The following MICALL2 variants were observed in gnomAD, a reference collection of about 807,000 sequenced individuals.
The protein encoded by MICALL2 is MICAL-like protein 2.
A neutral mutation model predicts 91.1 loss-of-function variants in MICALL2; 111 were observed. The observed-to-expected ratio is 1.22, with a 90% confidence interval of 1.04 to 1.43. The LOEUF is 1.43. MICALL2 is among the 40% of genes most tolerant of loss of function. MICALL2 has a pLI of 0.00. For synonymous variants in MICALL2, 694 were observed against 525.3 expected (o/e 1.32, Z -4.39); for missense variants, 1,556 against 1,236.0 (o/e 1.26, Z -3.88).
chr7:1,449,704 G>A (rs1022592519), intron 2 of MICALL2, among the ~76,000 whole-genome samples: 1 of 152,250 alleles, frequency 6.6e-6, no homozygotes, highest in African/African-American at 2.4e-5. Flanking sequence ...TGCCTGCAGG[G>A]CGCGTGGTGA....
Position 1,438,830 on chromosome 7 carries a change from T to TG in MICALL2, c.2122+9dup. On this transcript the variant is annotated intron_variant, in intron 10 of 16. Coordinates refer to ENST00000297508, the MANE Select transcript of MICALL2 (RefSeq NM_182924.4). ...ACACCCCAAACAGCAGCGGTGTCTC[T>TG]GGGGCTGACCTGGTTTGCCCTGAAG... 6.3e-7 allele frequency: 1 copy of TG among 1,597,420 alleles called. No individual in the cohort carries two copies.
chr7:1,453,806 C>A (rs920303470), intron 1 of MICALL2, among the ~76,000 whole-genome samples: 22 of 152,198 alleles, frequency 1.4e-4, no homozygotes, highest in Non-Finnish European at 7.3e-5. Context: ...AGACACACAC[C>A]GTGGGCCAGG....
intron 7 of MICALL2, chr7:1,441,759 G>A: frequency 9.2e-6 from 2 of 216,256 alleles, no homozygotes; most frequent in South Asian, 1.3e-4. Context: ...TCTCCGGTAT[G>A]TGGTGACACA....
At chr7:1,447,041 A>C (rs1336229600) in intron 4 of MICALL2, among the ~76,000 whole-genome samples, 1 of 152,100 alleles carries the variant, frequency 6.6e-6, no homozygotes, top group African/African-American at 2.4e-5. Context: ...CTGAGGCCCG[A>C]TGCTAGTGGT....
chr7:1,441,820 A>C (rs1250246904), intron 7 of MICALL2: 1 of 280,916 alleles, frequency 3.6e-6, no homozygotes, highest in Non-Finnish European at 6.7e-6. Flanking sequence ...CAGGAAGCGC[A>C]AAACACCACG....
In MICALL2 at chr7:1,445,071, C is replaced by T. The variant is rs775616960; in HGVS notation, c.999G>A (p.Glu333=). The part of the protein sequence containing the change: ...SESRLAPTPT[E]GKVRPRVTNS... Reference sequence around the variant, plus strand: ...TGGTCACACGAGGGCGGACTTTCCCCTCCGTGGGAGTGGGGGCCAGGCGGC... The same window carrying T: ...TGGTCACACGAGGGCGGACTTTCCCTTCCGTGGGAGTGGGGGCCAGGCGGC... Residue 333 remains glutamate, a synonymous_variant, in exon 6 of 17, where the codon GAG becomes GAA. Coordinates refer to ENST00000297508, the MANE Select transcript of MICALL2 (RefSeq NM_182924.4). 1 of 1,549,960 alleles carries T rather than the reference C, an allele frequency of 6.5e-7. No individual in the cohort carries two copies.
chr7:1,445,310 C>T lies in MICALL2; in HGVS notation c.760G>A (p.Gly254Ser). 6.2e-7 allele frequency: 1 copy of T among 1,611,646 alleles called. No homozygotes were observed. Among genetic ancestry groups the T allele is most frequent in the Non-Finnish European group, 8.5e-7 (1 of 1,179,754 alleles). ...AAASASPKLTGLVPRQPGAMG... is the reference protein window; with the variant it reads ...AAASASPKLTSLVPRQPGAMG... ...GCCCCTGGCTGTCGGGGGACCAGAC[C>T]CGTCAACTTGGGGCTTGCAGAGGCG... Residue 254 changes from glycine to serine, a missense_variant, in exon 6 of 17, where the codon GGT (glycine) becomes AGT (serine). By Grantham distance (56) the Gly-to-Ser change is moderately conservative. Coordinates refer to ENST00000297508, the MANE Select transcript of MICALL2 (RefSeq NM_182924.4).
chr7:1,439,748 A>T (rs770568501), intron 9 of MICALL2, 177 bp downstream of exon 9: 2 of 469,938 alleles, frequency 4.3e-6, no homozygotes, highest in Non-Finnish European at 7.3e-6. Flanking sequence ...CACATGCATC[A>T]CACACATGCA....
At position 1,445,079 on chromosome 7, in the gene MICALL2, G is replaced by T. The variant is rs1453925889; in HGVS notation, c.991C>A (p.Pro331Thr). 1.3e-6 allele frequency: 2 copies of T among 1,551,044 alleles called. No individual in the cohort carries two copies. The highest frequency in any genetic ancestry group is 2.7e-5 in the African/African-American group (2 of 73,298). Residue 331 changes from proline (P) to threonine (T), a missense_variant, in exon 6 of 17, where the codon CCC becomes ACC. Coordinates refer to ENST00000297508, the MANE Select transcript of MICALL2 (RefSeq NM_182924.4). ...RPSESRLAPT[P>T]TEGKVRPRVT... is the part of the protein sequence containing the mutation. The stretch of plus-strand genomic sequence containing the variant: ...CGAGGGCGGACTTTCCCCTCCGTGG[G>T]AGTGGGGGCCAGGCGGCTCTCAGAG...
At position 1,442,134 on chromosome 7, in the gene MICALL2, G is replaced by T. The variant is rs1259183948; in HGVS notation, c.1711+58C>A. 2.5e-6 allele frequency: 4 copies of T among 1,577,838 alleles called. No individual in the cohort carries two copies. The African/African-American group carries it at 5.4e-5, about 21-fold the overall frequency. ...CGCACACACTGCAGAGTGCGGCCAG[G>T]GGAGAGTCCCAGAGCTGCGGGCCCC... On this transcript the variant is annotated intron_variant, in intron 7 of 16. Coordinates refer to ENST00000297508, the MANE Select transcript of MICALL2 (RefSeq NM_182924.4).
rs1781127632 is a variant in MICALL2 at position 1,459,266 on chromosome 7, C to T, written c.61G>A (p.Val21Met). The change falls in exon 1 of 17, where the codon GTG becomes ATG. Residue 21 changes from valine to methionine, a missense_variant. Coordinates refer to ENST00000297508, the MANE Select transcript of MICALL2 (RefSeq NM_182924.4). ...CRQQCEGYRD[V>M]NICNMTTSFR... Reference sequence around the variant, plus strand: ...GACGTGGTCATGTTGCAGATATTCACGTCGCGGTAGCCCTCGCACTGCTGC... The same window carrying T: ...GACGTGGTCATGTTGCAGATATTCATGTCGCGGTAGCCCTCGCACTGCTGC... 1.2e-6 allele frequency: 2 copies of T among 1,609,674 alleles called. No homozygotes were observed. The highest frequency in any genetic ancestry group is 8.5e-7 in the Non-Finnish European group (1 of 1,178,568).
chr7:1,437,957 C>T lies in MICALL2; in HGVS notation c.2335G>A (p.Val779Met), dbSNP rs1780056429. 6.5e-7 allele frequency: 1 copy of T among 1,550,042 alleles called. No homozygotes were observed. Among genetic ancestry groups the T allele is most frequent in the African/African-American group, 1.4e-5 (1 of 73,112 alleles). ...EGDDAEDSLM[V>M]DWFWLIHEKQ... is the part of the protein sequence containing the mutation. ...TCGTGAATGAGCCAGAACCAGTCCA[C>T]CATGAGGCTATCCTCAGCGTCATCT... The change falls in exon 13 of 17, where the codon GTG (valine) becomes ATG (methionine). Residue 779 changes from valine to methionine, a missense_variant. Coordinates refer to ENST00000297508, the MANE Select transcript of MICALL2 (RefSeq NM_182924.4).
In MICALL2 at chr7:1,438,259, G is replaced by A; in HGVS notation, c.2187+30C>T. On this transcript the variant is annotated intron_variant, in intron 11 of 16. Coordinates refer to ENST00000297508, the MANE Select transcript of MICALL2 (RefSeq NM_182924.4). ...GGCGGTGAGGATGCCGGAGGGCTGG[G>A]CCCCTGCCCGGCTCCCCACCACTAC... is the stretch of plus-strand genomic sequence containing the variant. 3 of 1,587,124 alleles carry A rather than the reference G, an allele frequency of 1.9e-6. 1 individual carries two copies. The South Asian group carries it at 3.4e-5, about 18-fold the overall frequency.
rs754054195 is a variant in MICALL2, at chr7:1,438,454, G to T, written c.2123-101C>A. ...GCCTGACCTCAGCACAGCACAGCTG[G>T]CCCCAGCCCTGCCTCCCTAATGCCC... On this transcript the variant is annotated intron_variant, in intron 10 of 16. Transcript: ENST00000297508. 5.3e-6 allele frequency: 8 copies of T among 1,506,246 alleles called. No homozygotes were observed. The East Asian group carries it at 2.0e-4, about 37-fold the overall frequency. The allele number at this position is 1,506,246 out of a possible 1,614,324, so 93.3% of individuals were successfully genotyped here. A position where few individuals can be genotyped will look rare whatever the true frequency, so the allele number is the denominator to read the frequency against.
Position 1,434,626 on chromosome 7 carries a change from T to G in MICALL2, c.2685A>C (p.Ser895=). Residue 895 remains serine (S), a synonymous_variant, in exon 17 of 17, where the codon TCA becomes TCC. Coordinates refer to ENST00000297508, the MANE Select transcript of MICALL2 (RefSeq NM_182924.4). Reference sequence around the variant, plus strand: ...GGGAGGGGCTGCTTTTGCTTTTTGGTGACCAGATCTTGGACAAGCGGAACT... The same window carrying G: ...GGGAGGGGCTGCTTTTGCTTTTTGGGGACCAGATCTTGGACAAGCGGAACT... The part of the protein sequence containing the change: ...KSKFRLSKIW[S]PKSKSSPSQ 6.3e-7 allele frequency: 1 copy of G among 1,586,958 alleles called. No homozygotes were observed.
chr7:1,439,626 G>A (rs1388294591), intron 9 of MICALL2: 7 of 333,194 alleles, frequency 2.1e-5, no homozygotes, highest in Admixed American at 9.9e-5. Context: ...TACATGAACA[G>A]ACACATGGAC....
At position 1,434,516 on chromosome 7, in the gene MICALL2, T is replaced by TCCGGGTCCGGGCC. The variant is rs752795623; in HGVS notation, c.*67_*79dup. On this transcript the variant is annotated 3_prime_UTR_variant, in exon 17 of 17. Transcript: ENST00000297508. ...CACGGCCCCGAGTACAAGTCCGGGT[T>TCCGGGTCCGGGCC]CCGGGTCCGGGCCAAGCCCATGGCC... 7.8e-7 allele frequency: 1 copy of TCCGGGTCCGGGCC among 1,288,638 alleles called. No homozygotes were observed. Among genetic ancestry groups the TCCGGGTCCGGGCC allele is most frequent in the Non-Finnish European group, 1.1e-6 (1 of 885,952 alleles). 79.8% of individuals were successfully genotyped at this position (1,288,638 alleles called of 1,614,324 possible). A position where few individuals can be genotyped will look rare whatever the true frequency, so the allele number is the denominator to read the frequency against.
intron 15 of MICALL2, among the ~76,000 whole-genome samples, chr7:1,435,524 T>A (rs1779926551): frequency 6.7e-6 from 1 of 150,328 alleles, no homozygotes; most frequent in Admixed American, 6.6e-5. Context: ...ACAGGTGATG[T>A]GGGACAGGAG....
chr7:1,446,522 G>A, intron 5 of MICALL2, 191 bp downstream of exon 5: 1 of 540,134 alleles, frequency 1.9e-6, no homozygotes, highest in South Asian at 2.0e-5. Flanking sequence ...GGAGAAGAGG[G>A]AGAAGGGGAG....
Sources: allele counts gnomAD v4.1 joint callset (sites outside exome capture counted in the v4.1 genomes callset), GRCh38; gene constraint gnomAD v4.1.1; transcripts MANE v1.5; gene names NCBI Gene and HGNC (gene_info 2026-07-23, HGNC 2026-07-21).